AGO2: variants seen among roughly 807,000 people sequenced by gnomAD.
AGO2 encodes the protein protein argonaute-2.
A neutral mutation model predicts 102.3 loss-of-function variants in AGO2; 5 were observed. That is an observed-to-expected ratio of 0.05 (90% CI 0.03 to 0.10). The LOEUF is 0.10. Ranked by LOEUF, AGO2 falls within the 10% of genes least tolerant of loss-of-function variation. The probability of loss-of-function intolerance (pLI) is 1.00; values close to 1 mark genes in which losing one functional copy is unlikely to be tolerated. For missense variants in AGO2, 541 were observed against 1,183.7 expected (o/e 0.46, Z 7.97); for synonymous variants, 449 against 473.1 (o/e 0.95, Z 0.66).
rs919989364 is a variant in AGO2, at chr8:140,589,370, G to A, written c.23-4059C>T. Among the ~76,000 whole-genome samples, 9 of 152,110 alleles carry A rather than the reference G, an allele frequency of 5.9e-5. No individual in the cohort carries two copies. Among genetic ancestry groups the A allele is most frequent in the African/African-American group, 9.7e-5 (4 of 41,414 alleles). On this transcript the variant is annotated intron_variant, in intron 1 of 18. Transcript: ENST00000220592. This position sits in a 1 kb window ranked among gnomAD's most constrained non-coding sequence, Gnocchi z 4.2. ...CTACCGGCGGGTGAACCACAGGCCC[G>A]GGTCAGCACCCATAGGCTGCGCAGC... is the stretch of plus-strand genomic sequence containing the variant.
In AGO2 at chr8:140,589,970, T is replaced by C. The variant is rs983304751; in HGVS notation, c.23-4659A>G. The stretch of plus-strand genomic sequence containing the variant: ...CCCAAGTTGACGCTAAACACAGTCA[T>C]GGCAGCTTTTTTGGTGAAATGGACA... On this transcript the variant is annotated intron_variant, in intron 1 of 18. Transcript: ENST00000220592. This position sits in a 1 kb window ranked among gnomAD's most constrained non-coding sequence, Gnocchi z 4.2. 6.6e-6 allele frequency among the ~76,000 whole-genome samples: 1 copy of C among 152,224 alleles called. No homozygotes were observed. Among genetic ancestry groups the C allele is most frequent in the Non-Finnish European group, 1.5e-5 (1 of 68,038 alleles).
At chr8:140,536,619 C>A (rs1424884998) in intron 16 of AGO2, among the ~76,000 whole-genome samples, 10 of 152,252 alleles carry the variant, frequency 6.6e-5, no homozygotes, top group Non-Finnish European at 1.0e-4. Flanking sequence ...GCCAGCGCAT[C>A]CGGCCCTAAT....
At position 140,557,185 on chromosome 8, in the gene AGO2, C is replaced by A; in HGVS notation, c.930G>T (p.Gln310His). The A allele has an allele frequency of 6.2e-7, 1 of 1,614,136 alleles. No individual in the cohort carries two copies. Among genetic ancestry groups the A allele is most frequent in the Non-Finnish European group, 8.5e-7 (1 of 1,180,028 alleles). ...CCAACTTGTGCCTGTCCTTGAAATACTGGGCCACCGTGCACTCCACCGTCT... is the reference window on the plus strand; with the variant it reads ...CCAACTTGTGCCTGTCCTTGAAATAATGGGCCACCGTGCACTCCACCGTCT... ...SGQTVECTVA[Q>H]YFKDRHKLVL... The change falls in exon 8 of 19, where the codon CAG (glutamine) becomes CAT (histidine). Residue 310 changes from glutamine (Q) to histidine (H), a missense_variant. Transcript: ENST00000220592. This position sits in a 1 kb window ranked among gnomAD's most constrained non-coding sequence, Gnocchi z 5.9.
At chr8:140,575,793 G>T (rs529126196) in intron 2 of AGO2, among the ~76,000 whole-genome samples, 3 of 152,082 alleles carry the variant, frequency 2.0e-5, no homozygotes, top group Non-Finnish European at 4.4e-5. Flanking sequence ...GAAACAAAAG[G>T]TTGTATTTAA....
intron 1 of AGO2, among the ~76,000 whole-genome samples, chr8:140,597,480 C>CCCCCCCCCCCCCCCCCCCCCCCCCCCCA (rs2073864620): frequency 7.6e-6 from 1 of 132,126 alleles, no homozygotes; most frequent in African/African-American, 2.7e-5. Flanking sequence ...CCCCACCCCC[C>CCCCCCCCCCCCCCCCCCCCCCCCCCCCA]CCCCCCCGCC....
chr8:140,529,422 C>A lies in AGO2; in HGVS notation c.*2622G>T, dbSNP rs2072554200. The A allele has an allele frequency of 6.6e-6, 1 of 152,186 alleles. No individual in the cohort carries two copies. Among genetic ancestry groups the A allele is most frequent in the South Asian group, 2.1e-4 (1 of 4,830 alleles). 9.4% of individuals were successfully genotyped at this position (152,186 alleles called of 1,614,324 possible). ...AATTGTAACTACAGCCATTTAAACT[C>A]TGAATCATCAGACATGTACAAAGGT... On this transcript the variant is annotated 3_prime_UTR_variant, in exon 19 of 19. Transcript: ENST00000220592.
intron 3 of AGO2, among the ~76,000 whole-genome samples, chr8:140,563,259 G>A (rs2977490): frequency 0.5 from 76,569 of 152,040 alleles, 19,643 homozygotes; most frequent in African/African-American, 0.6. Flanking sequence ...TTGAGACAGG[G>A]TCTCACTGTG....
intron 1 of AGO2, among the ~76,000 whole-genome samples, chr8:140,603,080 C>T (rs1268164707): frequency 2.0e-5 from 3 of 152,214 alleles, no homozygotes; most frequent in African/African-American, 7.2e-5. Context: ...GGCAGGCCTG[C>T]TGCTGGCCCC....
rs529121891 is a variant in AGO2, at chr8:140,553,598, G to A, written c.1270-2162C>T. Among the ~76,000 whole-genome samples, 477 of 151,284 alleles carry A rather than the reference G, an allele frequency of 3.2e-3. 1 individual carries two copies. The highest frequency in any genetic ancestry group is 6.9e-3 in the Middle Eastern group (2 of 290). On this transcript the variant is annotated intron_variant, in intron 10 of 18. Coordinates refer to ENST00000220592, the MANE Select transcript of AGO2 (RefSeq NM_012154.5). Reference sequence around the variant, plus strand: ...CTAATTTTGTATTTTTAGTAGAGACGGGATTTCTCCATGTTGGTCAGGCTG... The same window carrying A: ...CTAATTTTGTATTTTTAGTAGAGACAGGATTTCTCCATGTTGGTCAGGCTG...
At chr8:140,634,288 C>A (rs2074374923) in intron 1 of AGO2, among the ~76,000 whole-genome samples, 1 of 152,404 alleles carries the variant, frequency 6.6e-6, no homozygotes, top group Non-Finnish European at 1.5e-5. Context: ...CATCAACGGA[C>A]CAAGGTGGGC....
intron 1 of AGO2, among the ~76,000 whole-genome samples, chr8:140,588,905 C>T (rs965113652): frequency 6.6e-6 from 1 of 152,256 alleles, no homozygotes; most frequent in African/African-American, 2.4e-5. Flanking sequence ...ATCGGCATCA[C>T]TCAGCACATT....
In AGO2 at chr8:140,593,492, G is replaced by A. The variant is rs527727148; in HGVS notation, c.23-8181C>T. ...CAGGTGTGAGCCACTGTGCCCGGCC[G>A]ACATACACTGATCTGCCACCCTCAT... On this transcript the variant is annotated intron_variant, in intron 1 of 18. Coordinates refer to ENST00000220592, the MANE Select transcript of AGO2 (RefSeq NM_012154.5). Among the ~76,000 whole-genome samples, 402 of 146,076 alleles carry A rather than the reference G, an allele frequency of 2.8e-3. 4 individuals are homozygous for A. Among genetic ancestry groups the A allele is most frequent in the Admixed American group, 4.7e-3 (68 of 14,326 alleles).
intron 10 of AGO2, chr8:140,555,572 T>C (rs1416764219): frequency 8.2e-6 from 2 of 243,454 alleles, no homozygotes; most frequent in African/African-American, 2.3e-5. Context: ...AGTTAAAGAA[T>C]AGAAAAGCAG....
At chr8:140,630,745 T>C (rs2074331892) in intron 1 of AGO2, among the ~76,000 whole-genome samples, 2 of 152,212 alleles carry the variant, frequency 1.3e-5, no homozygotes, top group African/African-American at 4.8e-5. Flanking sequence ...TTATCTTCCG[T>C]ATTTGCCATA....
In AGO2 at chr8:140,588,442, C is replaced by T. The variant is rs963064515; in HGVS notation, c.23-3131G>A. Among the ~76,000 whole-genome samples the T allele has an allele frequency of 3.9e-5, 6 of 152,008 alleles. No homozygotes were observed. The East Asian group carries it at 1.2e-3, about 29-fold the overall frequency. On this transcript the variant is annotated intron_variant, in intron 1 of 18. Coordinates refer to ENST00000220592, the MANE Select transcript of AGO2 (RefSeq NM_012154.5). ...AGCAGTGTGTAAATAATGTACATAT[C>T]TTAATTTAAAAATACTTTATTGCTT...
upstream of AGO2, chr8:140,636,339 G>A (rs559642403): frequency 5.9e-5 from 9 of 152,376 alleles, no homozygotes; most frequent in South Asian, 1.9e-3. Context: ...GCCCATTCCA[G>A]CAGTCAGGGG....
chr8:140,633,160 C>G (rs1039156063), intron 1 of AGO2, among the ~76,000 whole-genome samples: 4 of 152,128 alleles, frequency 2.6e-5, no homozygotes, highest in Non-Finnish European at 5.9e-5. Context: ...ATCCGCCCGC[C>G]TTGGCCTCCC....
At chr8:140,584,533 A>G (rs118147874) in intron 2 of AGO2, among the ~76,000 whole-genome samples, 3 of 152,354 alleles carry the variant, frequency 2.0e-5, no homozygotes, top group East Asian at 1.9e-4. Context: ...GAACTTCAAC[A>G]AGAACGTTCA....
chr8:140,548,645 A>C (rs907860816), intron 12 of AGO2, among the ~76,000 whole-genome samples: 1 of 152,162 alleles, frequency 6.6e-6, no homozygotes, highest in African/African-American at 2.4e-5. Context: ...TTTACATGTC[A>C]ATAATCTGTC....
Sources: allele counts gnomAD v4.1 joint callset (sites outside exome capture counted in the v4.1 genomes callset), GRCh38; gene constraint gnomAD v4.1.1; non-coding constraint Gnocchi (gnomAD v3.1); transcripts MANE v1.5; gene names NCBI Gene and HGNC (gene_info 2026-07-23, HGNC 2026-07-21).